The following CHRM3 variants were observed in gnomAD, a reference collection of about 807,000 sequenced individuals.
CHRM3 encodes cholinergic receptor muscarinic 3.
A neutral mutation model predicts 41.8 loss-of-function variants in CHRM3; 11 were observed. That is an observed-to-expected ratio of 0.26 (90% CI 0.17 to 0.44). The LOEUF is 0.44. Among genes scored for constraint, CHRM3 ranks in the 20% least tolerant of loss-of-function variants. CHRM3 has a pLI of 1.00. For missense variants in CHRM3, 571 were observed against 745.4 expected, an observed-to-expected ratio of 0.77 and a Z score of 2.72; for synonymous variants, 297 against 301.4, an observed-to-expected ratio of 0.99 and a Z score of 0.15.
chr1:239,640,756 TCTATTTC>T (rs1372593917), intron 4 of CHRM3, among the ~76,000 whole-genome samples: 2 of 149,838 alleles, frequency 1.3e-5, no homozygotes, highest in East Asian at 3.9e-4. Flanking sequence ...TTTTTGTGTC[TCTATTTC>T]CTTCAGTTCT....
At chr1:239,850,123 T>A (rs1200409662) in intron 6 of CHRM3, among the ~76,000 whole-genome samples, 1 of 152,154 alleles carries the variant, frequency 6.6e-6, no homozygotes, top group African/African-American at 2.4e-5. Flanking sequence ...ACCAGTAACA[T>A]AAACAATGGA....
At chr1:239,843,504 T>A (rs1315728853) in intron 6 of CHRM3, among the ~76,000 whole-genome samples, 1 of 146,122 alleles carries the variant, frequency 6.8e-6, no homozygotes, top group African/African-American at 2.5e-5. Context: ...TTTGCTTTAA[T>A]ATAGCAGATT....
At chr1:239,695,185 T>C (rs1371532309) in intron 5 of CHRM3, among the ~76,000 whole-genome samples, 5 of 152,130 alleles carry the variant, frequency 3.3e-5, no homozygotes, top group South Asian at 4.1e-4. Context: ...TAAGTTTTTG[T>C]ATTTTTAGTA....
Position 239,682,237 on chromosome 1 carries a change from T to A in CHRM3, c.-147+3949T>A, listed in dbSNP as rs1224541037. On this transcript the variant is annotated intron_variant, in intron 5 of 6. Transcript: ENST00000676153. ...ATGGACTGGCCTCGTGTACAATTCT[T>A]CTCCTTCGTGAATAGAGCTGTAATG... is the stretch of plus-strand genomic sequence containing the variant. Among the ~76,000 whole-genome samples the A allele has an allele frequency of 1.4e-4, 21 of 152,170 alleles. 1 individual carries two copies. Among genetic ancestry groups the A allele is most frequent in the Non-Finnish European group, 2.1e-4 (14 of 68,030 alleles).
At chr1:239,841,977 G>A (rs1673835333) in intron 6 of CHRM3, among the ~76,000 whole-genome samples, 2 of 152,182 alleles carry the variant, frequency 1.3e-5, no homozygotes, top group South Asian at 2.1e-4. Context: ...TAGGGGGGAC[G>A]CCTATATCAA....
At chr1:239,745,927 G>T (rs906677106) in intron 5 of CHRM3, among the ~76,000 whole-genome samples, 1 of 152,124 alleles carries the variant, frequency 6.6e-6, no homozygotes, top group Non-Finnish European at 1.5e-5. Context: ...ACTTCTAAAG[G>T]TGAGTGCATT....
At chr1:239,820,617 C>CT (rs984073431) in intron 5 of CHRM3, among the ~76,000 whole-genome samples, 2 of 151,646 alleles carry the variant, frequency 1.3e-5, no homozygotes, top group African/African-American at 4.9e-5. Context: ...GACTTTGAGG[C>CT]TTTTTTTTCA....
At chr1:239,603,419 G>A (rs1011027743) in intron 3 of CHRM3, among the ~76,000 whole-genome samples, 26 of 152,096 alleles carry the variant, frequency 1.7e-4, no homozygotes, top group African/African-American at 4.3e-4. Context: ...GCAAGGTCAC[G>A]GATTCTGTGG....
chr1:239,529,115 G>GA (rs938141876), intron 2 of CHRM3, among the ~76,000 whole-genome samples: 2 of 151,728 alleles, frequency 1.3e-5, no homozygotes, highest in Non-Finnish European at 2.9e-5. Context: ...TGCCTTTCAA[G>GA]AAAAAAAATT....
intron 1 of CHRM3, among the ~76,000 whole-genome samples, chr1:239,428,831 C>T (rs1662600995): frequency 6.6e-6 from 1 of 152,066 alleles, no homozygotes; most frequent in Non-Finnish European, 1.5e-5. Flanking sequence ...AATATATTGT[C>T]TGTATAATTT....
chr1:239,509,561 G>A lies in CHRM3; in HGVS notation c.-422+16754G>A, dbSNP rs181448196. Among the ~76,000 whole-genome samples, 257 of 152,248 alleles carry A rather than the reference G, an allele frequency of 1.7e-3. 1 individual carries two copies. Among genetic ancestry groups the A allele is most frequent in the African/African-American group, 5.9e-3 (246 of 41,530 alleles). On this transcript the variant is annotated intron_variant, in intron 2 of 6. Transcript: ENST00000676153. ...CAAACTTCTGGAATCATGTGAAACCGTGTATTAACATAGAAATGTTGATAC... is the reference window on the plus strand; with the variant it reads ...CAAACTTCTGGAATCATGTGAAACCATGTATTAACATAGAAATGTTGATAC...
Position 239,909,004 on chromosome 1 carries a change from A to T in CHRM3, c.1553A>T (p.Asp518Val). 3 of 1,614,120 alleles carry T rather than the reference A, an allele frequency of 1.9e-6. No homozygotes were observed. Among genetic ancestry groups the T allele is most frequent in the Non-Finnish European group, 2.5e-6 (3 of 1,180,026 alleles). The change falls in exon 7 of 7, where the codon GAC (aspartate) becomes GTC (valine). Residue 518 changes from aspartate (D) to valine (V), a missense_variant. Physicochemically the swap from Asp to Val is radical, Grantham distance 152. Transcript: ENST00000676153. ...ATGGTTCTGGTGAACACCTTTTGTG[A>T]CAGCTGCATACCCAAAACCTTTTGG... ...NIMVLVNTFC[D>V]SCIPKTFWNL...
rs1553292001 is a variant in CHRM3, at chr1:239,874,307, A to ATACACAG, written c.-19-33124_-19-33123insCACAGTA. ...ACAGTATATATATATATATATATATATATATATATATATATATATACACAG... is the reference window on the plus strand; with the variant it reads ...ACAGTATATATATATATATATATATATACACAGTATATATATATATATATATACACAG... On this transcript the variant is annotated intron_variant, in intron 6 of 6. Coordinates refer to ENST00000676153, the MANE Select transcript of CHRM3 (RefSeq NM_001375978.1). Among the ~76,000 whole-genome samples the ATACACAG allele has an allele frequency of 7.7e-4, 19 of 24,582 alleles. 1 individual carries two copies. The highest frequency in any genetic ancestry group is 1.0e-3 in the African/African-American group (17 of 16,652). 16.1% of individuals were successfully genotyped at this position (24,582 alleles called of 152,430 possible).
At chr1:239,592,933 A>T (rs1664344503) in intron 3 of CHRM3, among the ~76,000 whole-genome samples, 1 of 151,592 alleles carries the variant, frequency 6.6e-6, no homozygotes, top group East Asian at 1.9e-4. Flanking sequence ...TCCACCCCAG[A>T]TCCGCTCCTC....
intron 5 of CHRM3, among the ~76,000 whole-genome samples, chr1:239,711,424 C>CATT (rs1392903994): frequency 1.8e-4 from 28 of 151,982 alleles, no homozygotes; most frequent in Non-Finnish European, 2.9e-5. Flanking sequence ...CCAGACCCCC[C>CATT]ATTCCATCCA....
chr1:239,800,846 A>G (rs186230434), intron 5 of CHRM3, among the ~76,000 whole-genome samples: 2 of 152,260 alleles, frequency 1.3e-5, no homozygotes, highest in Admixed American at 1.3e-4. Context: ...CATTTGATTA[A>G]AAAATGTGAG....
intron 3 of CHRM3, among the ~76,000 whole-genome samples, chr1:239,556,240 A>G (rs926586332): frequency 2.6e-5 from 4 of 152,124 alleles, no homozygotes; most frequent in African/African-American, 9.7e-5. Flanking sequence ...AGATTATTCA[A>G]TTTTCTTGCC....
chr1:239,471,939 C>T (rs907138298), intron 1 of CHRM3, among the ~76,000 whole-genome samples: 1 of 152,128 alleles, frequency 6.6e-6, no homozygotes, highest in Non-Finnish European at 1.5e-5. Flanking sequence ...TATCCACGTG[C>T]TGGACTCGCC....
At chr1:239,830,926 C>T (rs971751618) in intron 6 of CHRM3, among the ~76,000 whole-genome samples, 5 of 152,050 alleles carry the variant, frequency 3.3e-5, no homozygotes, top group Non-Finnish European at 4.4e-5. Flanking sequence ...TACCAATGGG[C>T]TGAGGAGGTG....
Sources: allele counts gnomAD v4.1 joint callset (sites outside exome capture counted in the v4.1 genomes callset), GRCh38; gene constraint gnomAD v4.1.1; transcripts MANE v1.5; gene names NCBI Gene and HGNC (gene_info 2026-07-23, HGNC 2026-07-21).